Variants in SNX29 observed in about 807,000 individuals in gnomAD.
The protein encoded by SNX29 is sorting nexin-29.
Under a neutral mutation model 102.1 loss-of-function variants are expected in SNX29, and 78 were observed. The ratio of observed to expected loss-of-function variants is 0.76; its 90% confidence interval spans 0.64 to 0.92. SNX29 has a LOEUF of 0.92. Ranked by LOEUF, SNX29 falls within the 40% of genes least tolerant of loss-of-function variation. The probability of loss-of-function intolerance (pLI) is 0.00; values close to 1 mark genes in which losing one functional copy is unlikely to be tolerated. For missense variants in SNX29, 1,280 were observed against 1,061.7 expected (o/e 1.21, Z -2.86); for synonymous variants, 580 against 414.5 (o/e 1.40, Z -4.85).
At chr16:12,520,996 C>T (rs992377023) in intron 19 of SNX29, among the ~76,000 whole-genome samples, 7 of 151,896 alleles carry the variant, frequency 4.6e-5, no homozygotes, top group East Asian at 1.9e-4. Flanking sequence ...GTCAGGAGTT[C>T]GAGAACAGTC....
rs759198934 is a variant in SNX29 at position 12,061,607 on chromosome 16, C to T, written c.1204C>T (p.Leu402Phe). ...LKVLHNDSDI[L>F]FPVSGVGSYS... Reference sequence around the variant, plus strand: ...GGTGCTGCACAATGACTCCGACATCCTCTTCCCTGTCAGTGGCGTGGGCTC... The same window carrying T: ...GGTGCTGCACAATGACTCCGACATCTTCTTCCCTGTCAGTGGCGTGGGCTC... The change falls in exon 9 of 21, where the codon CTC becomes TTC. Residue 402 changes from leucine (L) to phenylalanine (F), a missense_variant. Leu to Phe is a conservative substitution (Grantham distance 22, BLOSUM62 0). Transcript: ENST00000566228. 1.9e-6 allele frequency: 3 copies of T among 1,612,058 alleles called. No homozygotes were observed. The highest frequency in any genetic ancestry group is 1.7e-6 in the Non-Finnish European group (2 of 1,179,360).
intron 14 of SNX29, among the ~76,000 whole-genome samples, chr16:12,264,416 C>T (rs926550121): frequency 8.8e-4 from 134 of 152,310 alleles, no homozygotes; most frequent in African/African-American, 3.0e-3. Flanking sequence ...CAGTTTCCGC[C>T]TCTGATATGT....
intron 16 of SNX29, among the ~76,000 whole-genome samples, chr16:12,380,818 GCCAT>G (rs2083083248): frequency 7.8e-5 from 1 of 12,862 alleles, no homozygotes; most frequent in African/African-American, 3.5e-4. Context: ...CCATCCACCC[GCCAT>G]CCATCCACCC....
intron 20 of SNX29, among the ~76,000 whole-genome samples, chr16:12,546,032 C>T (rs752057884): frequency 2.0e-5 from 3 of 152,140 alleles, no homozygotes; most frequent in Non-Finnish European, 2.9e-5. Flanking sequence ...AAACCCACAC[C>T]CTTGAGTACA....
chr16:12,387,279 A>G (rs927040845), intron 16 of SNX29, among the ~76,000 whole-genome samples: 1 of 152,110 alleles, frequency 6.6e-6, no homozygotes, highest in Non-Finnish European at 1.5e-5. Context: ...ACACAACCGA[A>G]TGGTCCTAGG....
At chr16:12,465,540 T>A (rs2087011387) in intron 18 of SNX29, among the ~76,000 whole-genome samples, 1 of 152,244 alleles carries the variant, frequency 6.6e-6, no homozygotes, top group South Asian at 2.1e-4. Flanking sequence ...GATTTACTTC[T>A]GGGCTTTGTT....
chr16:12,554,075 C>T (rs537111584), intron 20 of SNX29, among the ~76,000 whole-genome samples: 1 of 152,210 alleles, frequency 6.6e-6, no homozygotes. Flanking sequence ...ATCCTCTCAC[C>T]TTGGCCTCCC....
At chr16:12,064,640 G>T (rs2050938463) in intron 9 of SNX29, among the ~76,000 whole-genome samples, 1 of 152,252 alleles carries the variant, frequency 6.6e-6, no homozygotes, top group African/African-American at 2.4e-5. Context: ...GTGTCAGGAT[G>T]TTGGACTCAG....
chr16:11,980,206 A>G (rs2055384332), intron 1 of SNX29, among the ~76,000 whole-genome samples: 1 of 152,036 alleles, frequency 6.6e-6, no homozygotes, highest in Non-Finnish European at 1.5e-5. Flanking sequence ...CCACTCATCT[A>G]CTTTCTGTCT....
At chr16:12,281,126 T>C (rs1269410125) in intron 15 of SNX29, among the ~76,000 whole-genome samples, 1 of 152,228 alleles carries the variant, frequency 6.6e-6, no homozygotes, top group African/African-American at 2.4e-5. Context: ...GCTGCCCAAG[T>C]TGGTCTCAAA....
intron 16 of SNX29, among the ~76,000 whole-genome samples, chr16:12,376,736 CAAAA>C (rs71408262): frequency 2.1e-4 from 16 of 77,934 alleles, no homozygotes; most frequent in Admixed American, 5.1e-4. Flanking sequence ...GACTCTGTCT[CAAAA>C]AAAAAAAAAA....
At chr16:12,389,510 G>A (rs1030802897) in intron 16 of SNX29, among the ~76,000 whole-genome samples, 10 of 152,070 alleles carry the variant, frequency 6.6e-5, no homozygotes, top group African/African-American at 1.2e-4. Context: ...GCCTTCCACC[G>A]TGATTGTGAG....
rs116521942 is a variant in SNX29, at chr16:12,568,527, G to C, written c.2340G>C (p.Glu780Asp). 5.6e-6 allele frequency: 9 copies of C among 1,609,960 alleles called. No individual in the cohort carries two copies. In the African/African-American group the frequency reaches 9.3e-5, roughly 17 times the overall value. The change falls in exon 21 of 21, where the codon GAG becomes GAC. Residue 780 changes from glutamate to aspartate, a missense_variant. By Grantham distance (45) the Glu-to-Asp change is conservative. Coordinates refer to ENST00000566228, the MANE Select transcript of SNX29 (RefSeq NM_032167.5). Reference sequence around the variant, plus strand: ...TCAGCGACATCACCCCGCCCGGAGAGCCTGTGAACAGCCGGCCCAAAGCAG... The same window carrying C: ...TCAGCGACATCACCCCGCCCGGAGACCCTGTGAACAGCCGGCCCAAAGCAG... ...PFFVDITPPG[E>D]PVNSRPKAAS... is the part of the protein sequence containing the mutation.
chr16:12,296,489 A>G (rs1307196779), intron 15 of SNX29, among the ~76,000 whole-genome samples: 1 of 152,236 alleles, frequency 6.6e-6, no homozygotes, highest in East Asian at 1.9e-4. Flanking sequence ...ACTTTTTTAT[A>G]TAAAGGGATC....
At chr16:12,291,252 C>A (rs901247290) in intron 15 of SNX29, among the ~76,000 whole-genome samples, 1 of 152,162 alleles carries the variant, frequency 6.6e-6, no homozygotes, top group African/African-American at 2.4e-5. Context: ...AATGGACTCA[C>A]AGTTCCACAT....
At chr16:12,229,915 C>A (rs920560930) in intron 14 of SNX29, among the ~76,000 whole-genome samples, 10 of 152,042 alleles carry the variant, frequency 6.6e-5, no homozygotes, top group African/African-American at 2.4e-4. Context: ...CTTTCTAGGA[C>A]AGGGTTCAGC....
intron 15 of SNX29, among the ~76,000 whole-genome samples, chr16:12,280,646 C>A (rs372591335): frequency 6.6e-6 from 1 of 152,234 alleles, no homozygotes; most frequent in African/African-American, 2.4e-5. Flanking sequence ...ATTGATTTTT[C>A]CTTCTTTTTT....
At chr16:12,540,289 G>C (rs942000009) in intron 20 of SNX29, among the ~76,000 whole-genome samples, 5 of 152,166 alleles carry the variant, frequency 3.3e-5, no homozygotes, top group African/African-American at 1.2e-4. Context: ...AGGACTAGAG[G>C]CATTACGGGG....
chr16:12,313,274 G>T (rs973398470), intron 15 of SNX29, among the ~76,000 whole-genome samples: 1 of 152,082 alleles, frequency 6.6e-6, no homozygotes, highest in Non-Finnish European at 1.5e-5. Flanking sequence ...TCGGCCTCCC[G>T]AAGTGCTGGG....
Sources: gnomAD v4.1 joint callset for allele counts (sites outside exome capture counted in the v4.1 genomes callset) on GRCh38, gnomAD v4.1.1 for gene constraint, MANE v1.5 for transcripts, NCBI Gene and HGNC (gene_info 2026-07-23, HGNC 2026-07-21) for gene names.